Variants in PTPRD observed in about 807,000 individuals in gnomAD.
The protein encoded by PTPRD is receptor-type tyrosine-protein phosphatase delta.
Under a neutral mutation model 214.5 loss-of-function variants are expected in PTPRD, and 34 were observed. The observed-to-expected ratio is 0.16, with a 90% CI of 0.12 to 0.21. PTPRD has a LOEUF of 0.21. PTPRD is among the 10% of genes least tolerant of loss of function. The pLI is 1.00. For synonymous variants in PTPRD, 1,128 were observed against 845.7 expected, an observed-to-expected ratio of 1.33 and a Z score of -5.79; for missense variants, 2,545 against 2,398.7, an observed-to-expected ratio of 1.06 and a Z score of -1.27.
intron 3 of PTPRD, among the ~76,000 whole-genome samples, chr9:10,128,727 C>T (rs541303866): frequency 6.6e-5 from 10 of 152,232 alleles, no homozygotes; most frequent in East Asian, 1.9e-4. Flanking sequence ...ACTCCCTCAC[C>T]GTTAAGAACT....
intron 8 of PTPRD, among the ~76,000 whole-genome samples, chr9:9,509,244 T>A (rs189884830): frequency 1.9e-4 from 29 of 151,748 alleles, no homozygotes; most frequent in African/African-American, 7.0e-4. Context: ...AAAAAACCCA[T>A]GTAATTTCTG....
chr9:8,944,758 G>C (rs1167366031), intron 11 of PTPRD, among the ~76,000 whole-genome samples: 1 of 151,914 alleles, frequency 6.6e-6, no homozygotes, highest in Non-Finnish European at 1.5e-5. Context: ...AGAATAGTGG[G>C]GTTGGGGTGA....
chr9:9,007,841 T>A (rs1244758487), intron 11 of PTPRD, among the ~76,000 whole-genome samples: 2 of 148,850 alleles, frequency 1.3e-5, no homozygotes, highest in Non-Finnish European at 3.0e-5. Context: ...TTTATTTGTC[T>A]GTTATACTTA....
chr9:10,092,922 C>G (rs1032564887), intron 3 of PTPRD, among the ~76,000 whole-genome samples: 1 of 151,610 alleles, frequency 6.6e-6, no homozygotes, highest in South Asian at 2.1e-4. Context: ...AAACTGGACT[C>G]CTGCCTTTTA....
intron 12 of PTPRD, among the ~76,000 whole-genome samples, chr9:8,657,040 G>C (rs1279024297): frequency 1.3e-5 from 2 of 152,088 alleles, no homozygotes; most frequent in East Asian, 1.9e-4. Context: ...GCGAGGGATG[G>C]TAGCTCATTA....
Position 10,383,649 on chromosome 9 carries a change from G to A in PTPRD, c.-599-42632C>T, listed in dbSNP as rs186783621. 1.4e-3 allele frequency among the ~76,000 whole-genome samples: 218 copies of A among 151,842 alleles called. 1 individual carries two copies. Among genetic ancestry groups the A allele is most frequent in the Non-Finnish European group, 2.8e-3 (193 of 67,838 alleles). On this transcript the variant is annotated intron_variant, in intron 2 of 45. Transcript: ENST00000381196. The stretch of plus-strand genomic sequence containing the variant: ...AGCACAGTATTACCAGAGTTATAGT[G>A]TTGAATGTGTTTCATCTGCACCATT...
At chr9:9,507,120 A>G (rs944205940) in intron 8 of PTPRD, among the ~76,000 whole-genome samples, 22 of 151,468 alleles carry the variant, frequency 1.5e-4, no homozygotes, top group African/African-American at 4.6e-4. Flanking sequence ...ATAAAAGATG[A>G]AATTTTAAAA....
At chr9:10,024,742 T>C (rs2096888452) in intron 4 of PTPRD, among the ~76,000 whole-genome samples, 1 of 149,514 alleles carries the variant, frequency 6.7e-6, no homozygotes, top group South Asian at 2.2e-4. Context: ...AACTCGTCAT[T>C]TAGCATTAGG....
Position 8,485,969 on chromosome 9 carries a change from T to C in PTPRD, c.2848A>G (p.Ile950Val), listed in dbSNP as rs1371899497. ...TAAAGAAGGGTATACTTGGTGATAA[T>C]GCCATTTCTCTCTGCCAGGACAGGT... The part of the protein sequence containing the change: ...QPPVLAERNG[I>V]ITKYTLLYRD... The change falls in exon 28 of 46, where the codon ATT (isoleucine) becomes GTT (valine). Residue 950 changes from isoleucine (I) to valine (V), a missense_variant. Physicochemically the swap from Ile to Val is conservative, Grantham distance 29. Transcript: ENST00000381196. The C allele has an allele frequency of 6.2e-7, 1 of 1,614,034 alleles. No individual in the cohort carries two copies. Among genetic ancestry groups the C allele is most frequent in the Non-Finnish European group, 8.5e-7 (1 of 1,180,030 alleles).
intron 11 of PTPRD, among the ~76,000 whole-genome samples, chr9:8,749,246 A>G (rs982339723): frequency 1.3e-5 from 2 of 152,138 alleles, no homozygotes; most frequent in African/African-American, 2.4e-5. Context: ...CAGTGGCACC[A>G]TCTCAGCTCC....
At chr9:9,232,572 C>G (rs1364001879) in intron 9 of PTPRD, among the ~76,000 whole-genome samples, 1 of 151,852 alleles carries the variant, frequency 6.6e-6, no homozygotes, top group African/African-American at 2.4e-5. Context: ...ATAAAAATAC[C>G]AGTTCTTTTT....
chr9:8,980,934 A>C (rs1466150667), intron 11 of PTPRD, among the ~76,000 whole-genome samples: 1 of 152,084 alleles, frequency 6.6e-6, no homozygotes, highest in Non-Finnish European at 1.5e-5. Context: ...GATTTGCATG[A>C]AGATAATGGG....
intron 14 of PTPRD, among the ~76,000 whole-genome samples, chr9:8,566,526 T>G (rs2089280833): frequency 6.6e-6 from 1 of 152,160 alleles, no homozygotes; most frequent in Non-Finnish European, 1.5e-5. Context: ...AACAGCAATG[T>G]TCATTATAGC....
rs558710344 is a variant in PTPRD, at chr9:8,710,715, CAATT to C, written c.64+23061_64+23064del. Among the ~76,000 whole-genome samples, 452 of 152,204 alleles carry C rather than the reference CAATT, an allele frequency of 3.0e-3. 1 individual carries two copies. The highest frequency in any genetic ancestry group is 5.2e-3 in the Admixed American group (80 of 15,284). The stretch of plus-strand genomic sequence containing the variant: ...AAATGAGTTTTTATGTCAGAATTAA[CAATT>C]AACGATTTTATATCAGAAATAATAA... On this transcript the variant is annotated intron_variant, in intron 12 of 45. Transcript: ENST00000381196.
chr9:8,565,832 C>T (rs926635302), intron 14 of PTPRD, among the ~76,000 whole-genome samples: 20 of 152,058 alleles, frequency 1.3e-4, no homozygotes, highest in Middle Eastern at 3.2e-3. Flanking sequence ...TCATTAATAG[C>T]ATTAATAGCA....
At chr9:10,310,656 A>G (rs2096244041) in intron 3 of PTPRD, among the ~76,000 whole-genome samples, 1 of 152,226 alleles carries the variant, frequency 6.6e-6, no homozygotes, top group East Asian at 1.9e-4. Flanking sequence ...GTTTACACGA[A>G]TCCCAATGGA....
intron 4 of PTPRD, among the ~76,000 whole-genome samples, chr9:9,953,721 C>T (rs916069103): frequency 1.2e-4 from 18 of 152,122 alleles, no homozygotes; most frequent in Admixed American, 6.6e-4. Context: ...ACTGCTGAAG[C>T]AACCGGTTTT....
At chr9:8,941,002 T>C (rs144305939) in intron 11 of PTPRD, among the ~76,000 whole-genome samples, 2 of 152,274 alleles carry the variant, frequency 1.3e-5, no homozygotes, top group East Asian at 3.9e-4. Context: ...GGCTTCCATC[T>C]TGAAGATTTA....
chr9:10,136,608 C>G lies in PTPRD; in HGVS notation c.-544-102818G>C, dbSNP rs969809900. Among the ~76,000 whole-genome samples, 15 of 85,970 alleles carry G rather than the reference C, an allele frequency of 1.7e-4. 2 individuals are homozygous for G. The highest frequency in any genetic ancestry group is 1.3e-3 in the Admixed American group (10 of 7,880). 56.4% of individuals were successfully genotyped at this position (85,970 alleles called of 152,430 possible). On this transcript the variant is annotated intron_variant, in intron 3 of 45. Transcript: ENST00000381196. The stretch of plus-strand genomic sequence containing the variant: ...AAACCATAAAAACCCTAGAAGAAAA[C>G]CTAGGCATTACCATTCAGGACATAG...
Sources: gnomAD v4.1 joint callset for allele counts (sites outside exome capture counted in the v4.1 genomes callset) on GRCh38, gnomAD v4.1.1 for gene constraint, MANE v1.5 for transcripts, NCBI Gene and HGNC (gene_info 2026-07-23, HGNC 2026-07-21) for gene names.